The following PKD2 variants were observed in gnomAD, a reference collection of about 807,000 sequenced individuals.
PKD2 encodes the protein polycystin-2.
In PKD2, 48 loss-of-function variants were observed where a neutral mutation model predicts 105.9. The ratio of observed to expected loss-of-function variants is 0.45; its 90% confidence interval spans 0.36 to 0.58. The LOEUF (loss-of-function observed/expected upper bound fraction) is 0.58, where lower values mean the gene tolerates loss of function less well. Among genes scored for constraint, PKD2 ranks in the 20% least tolerant of loss-of-function variants. PKD2 has a pLI of 0.00. For synonymous variants in PKD2, 464 were observed against 481.1 expected, an observed-to-expected ratio of 0.96 and a Z score of 0.46; for missense variants, 1,078 against 1,255.3, an observed-to-expected ratio of 0.86 and a Z score of 2.13.
At chr4:88,059,951 A>G (rs1720508118) in intron 9 of PKD2, among the ~76,000 whole-genome samples, 1 of 152,142 alleles carries the variant, frequency 6.6e-6, no homozygotes, top group South Asian at 2.1e-4. Flanking sequence ...CTGAACCAGG[A>G]TAACCCCACT....
intron 1 of PKD2, among the ~76,000 whole-genome samples, chr4:88,009,513 G>T (rs1418441724): frequency 2.6e-5 from 4 of 151,108 alleles, no homozygotes; most frequent in African/African-American, 9.8e-5. Flanking sequence ...TTAAAGAGAT[G>T]ATCATAACGC....
At chr4:88,031,125 C>T (rs921396702) in intron 2 of PKD2, among the ~76,000 whole-genome samples, 2 of 152,166 alleles carry the variant, frequency 1.3e-5, no homozygotes, top group Admixed American at 6.5e-5. Context: ...TCCCAGTCAG[C>T]CATGTGATTA....
intron 2 of PKD2, among the ~76,000 whole-genome samples, chr4:88,024,314 G>A (rs1221721420): frequency 3.3e-5 from 5 of 151,638 alleles, no homozygotes; most frequent in African/African-American, 9.7e-5. Context: ...AAAATTAGCC[G>A]GGTATGTTGG....
chr4:88,071,977 T>A, intron 13 of PKD2, among the ~76,000 whole-genome samples: 1 of 122,262 alleles, frequency 8.2e-6, no homozygotes. Context: ...AGGCCAGTCT[T>A]TTTTTTTTTT....
chr4:88,075,471 G>T lies in PKD2; in HGVS notation c.2684G>T (p.Gly895Val). ...LDGVAEDERL[G>V]RDSEIHREQM... is the part of the protein sequence containing the mutation. The stretch of plus-strand genomic sequence containing the variant: ...TTCCCTTTTTAGGATGAAAGGCTGG[G>T]TCGTGACAGTGAAATCCATAGGGAA... The change falls in exon 15 of 15, where the codon GGT (glycine) becomes GTT (valine). Residue 895 changes from glycine to valine, a missense_variant. This residue lies in a region of PKD2 where 868 missense variants were observed against 1,067.3 expected (regional missense o/e 0.81). Coordinates refer to ENST00000237596, the MANE Select transcript of PKD2 (RefSeq NM_000297.4). 6.2e-7 allele frequency: 1 copy of T among 1,613,840 alleles called. No individual in the cohort carries two copies. Among genetic ancestry groups the T allele is most frequent in the Non-Finnish European group, 8.5e-7 (1 of 1,179,724 alleles).
At chr4:88,053,330 T>C (rs1720185161) in intron 7 of PKD2, among the ~76,000 whole-genome samples, 1 of 152,156 alleles carries the variant, frequency 6.6e-6, no homozygotes, top group African/African-American at 2.4e-5. Flanking sequence ...TTTTCTGAGT[T>C]GGTATTCATA....
At chr4:88,015,888 T>A (rs1378228898) in intron 1 of PKD2, among the ~76,000 whole-genome samples, 2 of 152,206 alleles carry the variant, frequency 1.3e-5, no homozygotes, top group Non-Finnish European at 2.9e-5. Flanking sequence ...ATGCACTGTT[T>A]AGATCAGCAG....
chr4:88,025,450 G>C (rs1044857619), intron 2 of PKD2, among the ~76,000 whole-genome samples: 4 of 149,834 alleles, frequency 2.7e-5, no homozygotes, highest in African/African-American at 9.8e-5. Flanking sequence ...TGTCAAAAAA[G>C]TAAAAAAATA....
chr4:88,053,366 A>T (rs1281529288), intron 7 of PKD2, among the ~76,000 whole-genome samples: 1 of 152,186 alleles, frequency 6.6e-6, no homozygotes, highest in African/African-American at 2.4e-5. Context: ...GTTTATCACA[A>T]GACATAGACT....
intron 1 of PKD2, among the ~76,000 whole-genome samples, chr4:88,016,115 G>A (rs2110086476): frequency 6.6e-6 from 1 of 152,294 alleles, no homozygotes; most frequent in South Asian, 2.1e-4. Flanking sequence ...GATCTGACAG[G>A]AGGCGGAGCT....
At chr4:88,024,238 C>G (rs1465295106) in intron 2 of PKD2, among the ~76,000 whole-genome samples, 1 of 151,876 alleles carries the variant, frequency 6.6e-6, no homozygotes, top group Non-Finnish European at 1.5e-5. Context: ...AGGCAGATCA[C>G]TTGAGGTCAC....
At chr4:88,064,261 CAGTGTAA>C (rs1720702312) in intron 10 of PKD2, among the ~76,000 whole-genome samples, 1 of 152,164 alleles carries the variant, frequency 6.6e-6, no homozygotes, top group Non-Finnish European at 1.5e-5. Context: ...GTAAAGTGTA[CAGTGTAA>C]TATTATACAA....
intron 13 of PKD2, among the ~76,000 whole-genome samples, chr4:88,070,468 C>T (rs1454517496): frequency 6.6e-6 from 1 of 151,368 alleles, no homozygotes; most frequent in Non-Finnish European, 1.5e-5. Context: ...CCTCAGAGTG[C>T]ATAGTCTGTA....
intron 2 of PKD2, among the ~76,000 whole-genome samples, chr4:88,020,212 T>C (rs1726700936): frequency 6.6e-6 from 1 of 152,228 alleles, no homozygotes; most frequent in Non-Finnish European, 1.5e-5. Flanking sequence ...TGCATAAGAA[T>C]TGTTTCCAGA....
chr4:88,029,496 C>T (rs1359149314), intron 2 of PKD2, among the ~76,000 whole-genome samples: 1 of 152,140 alleles, frequency 6.6e-6, no homozygotes, highest in East Asian at 1.9e-4. Context: ...GCCATGCTCT[C>T]TAGTTCACCT....
intron 11 of PKD2, 25 bp from the exon 12 acceptor site, chr4:88,065,737 A>G: frequency 6.6e-7 from 1 of 1,507,492 alleles, no homozygotes; most frequent in Non-Finnish European, 9.2e-7. Flanking sequence ...AATGATTTTT[A>G]TCTGTATCCT....
chr4:88,074,974 G>T lies in PKD2; in HGVS notation c.2670+15G>T, dbSNP rs200878218. The T allele has an allele frequency of 1.2e-6, 2 of 1,613,606 alleles. No individual in the cohort carries two copies. Among genetic ancestry groups the T allele is most frequent in the Non-Finnish European group, 1.7e-6 (2 of 1,179,530 alleles). Reference sequence around the variant, plus strand: ...GGGTGGCCGAGGTCAGTAGTCATGAGCTGAAAACACCGCTGCTGAGCATGG... The same window carrying T: ...GGGTGGCCGAGGTCAGTAGTCATGATCTGAAAACACCGCTGCTGAGCATGG... On this transcript the variant is annotated intron_variant, in intron 14 of 14. Coordinates refer to ENST00000237596, the MANE Select transcript of PKD2 (RefSeq NM_000297.4).
At chr4:88,036,091 T>G in intron 2 of PKD2, 129 bp from the exon 3 acceptor site, 36 of 1,398,210 alleles carry the variant, frequency 2.6e-5, no homozygotes, top group Middle Eastern at 2.2e-4. Flanking sequence ...AAGGCAAGGG[T>G]GAGAGAAGAC....
chr4:88,076,497 T>C lies in PKD2; in HGVS notation c.*803T>C, dbSNP rs1721239303. ...TAATGGTTAGTTTAGCCTAAAGATT[T>C]ATCTGCATATTCTTTTTCCCATGTG... On this transcript the variant is annotated 3_prime_UTR_variant, in exon 15 of 15. Transcript: ENST00000237596. 1 of 152,222 alleles carries C rather than the reference T, an allele frequency of 6.6e-6. No homozygotes were observed. The highest frequency in any genetic ancestry group is 1.5e-5 in the Non-Finnish European group (1 of 68,038). 9.4% of individuals were successfully genotyped at this position (152,222 alleles called of 1,614,324 possible).
Sources: gnomAD v4.1 joint callset for allele counts (sites outside exome capture counted in the v4.1 genomes callset) on GRCh38, gnomAD v4.1.1 for gene constraint, gnomAD v4.1.1 regional missense constraint, MANE v1.5 for transcripts, NCBI Gene and HGNC (gene_info 2026-07-23, HGNC 2026-07-21) for gene names.